The following NF1 variants were observed in gnomAD, a reference collection of about 807,000 sequenced individuals.
The protein encoded by NF1 is neurofibromin 1.
NF1 carries 122 observed loss-of-function variants against 325.7 expected under a neutral mutation model. That is an observed-to-expected ratio of 0.37 (90% CI 0.32 to 0.44). NF1 has a LOEUF of 0.44. NF1 is among the 20% of genes least tolerant of loss of function. The pLI is 1.00. For missense variants in NF1, 2,140 were observed against 3,415.4 expected (o/e 0.63, Z 9.31); for synonymous variants, 1,091 against 1,186.0 (o/e 0.92, Z 1.65).
At chr17:31,352,826 T>C (rs1176783280) in intron 51 of NF1, among the ~76,000 whole-genome samples, 1 of 152,246 alleles carries the variant, frequency 6.6e-6, no homozygotes, top group Non-Finnish European at 1.5e-5. Flanking sequence ...TATGAAGCTG[T>C]AATAGTACTA....
At position 31,326,153 on chromosome 17, in the gene NF1, A is replaced by T. The variant is rs864622372; in HGVS notation, c.5169A>T (p.Gln1723His). The T allele has an allele frequency of 3.1e-6, 5 of 1,613,166 alleles. No individual in the cohort carries two copies. The highest frequency in any genetic ancestry group is 3.4e-6 in the Non-Finnish European group (4 of 1,179,522). ...TGGCTGAGCACATAGAGCATGAACA[A>T]CAGAAACTACCTGCTGCCACCTTGG... ...GKLAEHIEHE[Q>H]QKLPAATLAL... Residue 1723 changes from glutamine to histidine, a missense_variant, in exon 37 of 58, where the codon CAA becomes CAT. Coordinates refer to ENST00000358273, the MANE Select transcript of NF1 (RefSeq NM_001042492.3).
chr17:31,271,004 C>G (rs2067884116), intron 36 of NF1, among the ~76,000 whole-genome samples: 1 of 152,192 alleles, frequency 6.6e-6, no homozygotes, highest in African/African-American at 2.4e-5. Context: ...GTTTGGGAAT[C>G]TCACTGGGTC....
At chr17:31,234,996 TA>T (rs2067176317) in intron 27 of NF1, among the ~76,000 whole-genome samples, 1 of 152,326 alleles carries the variant, frequency 6.6e-6, no homozygotes, top group East Asian at 1.9e-4. Flanking sequence ...CAGAGAGTTA[TA>T]AAGGATGTCA....
At position 31,374,376 on chromosome 17, in the gene NF1, A is replaced by G. The variant is rs2070702321; in HGVS notation, c.*221A>G. 1.7e-6 allele frequency: 1 copy of G among 596,050 alleles called. No homozygotes were observed. The highest frequency in any genetic ancestry group is 2.0e-5 in the South Asian group (1 of 51,264). The allele number at this position is 596,050 out of a possible 1,614,324, so 36.9% of individuals were successfully genotyped here. The stretch of plus-strand genomic sequence containing the variant: ...TTTTTTTCTTCTACTTTTGGCGTGT[A>G]TCTGGTATATGTAAGTGTTCAGAAC... On this transcript the variant is annotated 3_prime_UTR_variant, in exon 58 of 58. Coordinates refer to ENST00000358273, the MANE Select transcript of NF1 (RefSeq NM_001042492.3).
chr17:31,231,435 T>C (rs1222220129), intron 24 of NF1, among the ~76,000 whole-genome samples: 2 of 152,176 alleles, frequency 1.3e-5, no homozygotes, highest in African/African-American at 4.8e-5. Flanking sequence ...CAAGCCTAGC[T>C]TTATAATACA....
intron 36 of NF1, among the ~76,000 whole-genome samples, chr17:31,307,297 G>A (rs943768610): frequency 6.6e-6 from 1 of 152,188 alleles, no homozygotes; most frequent in South Asian, 2.1e-4. Context: ...GGGATTACAG[G>A]TGTGAGCCAC....
chr17:31,246,255 C>G (rs2067388868), intron 29 of NF1, among the ~76,000 whole-genome samples: 1 of 152,200 alleles, frequency 6.6e-6, no homozygotes, highest in African/African-American at 2.4e-5. Context: ...CCTACTTTCT[C>G]TTTCTGAAAT....
intron 36 of NF1, among the ~76,000 whole-genome samples, chr17:31,280,648 T>TA (rs2068100704): frequency 6.6e-6 from 1 of 152,052 alleles, no homozygotes; most frequent in South Asian, 2.1e-4. Context: ...TCTAGGCTAT[T>TA]ACAACAATTT....
intron 1 of NF1, among the ~76,000 whole-genome samples, chr17:31,147,438 A>G (rs1374010354): frequency 6.6e-6 from 1 of 152,168 alleles, no homozygotes; most frequent in Non-Finnish European, 1.5e-5. Context: ...GTTTTTAAAA[A>G]CCATTTCTGC....
chr17:31,314,213 C>A (rs932282232), intron 36 of NF1: 1 of 380,504 alleles, frequency 2.6e-6, no homozygotes, highest in Admixed American at 4.5e-5. Flanking sequence ...TTTTGAAATA[C>A]ATTTTGGAGC....
intron 1 of NF1, among the ~76,000 whole-genome samples, chr17:31,121,332 A>G (rs1184849248): frequency 1.4e-5 from 2 of 148,082 alleles, no homozygotes; most frequent in South Asian, 2.1e-4. Flanking sequence ...GGAAGATTTT[A>G]TTTCATATAT....
intron 27 of NF1, 124 bp from the exon 28 acceptor site, chr17:31,235,487 A>G (rs2067183002): frequency 1.1e-6 from 1 of 902,982 alleles, no homozygotes; most frequent in Admixed American, 1.7e-5. Flanking sequence ...TTAATCAGTC[A>G]TCATTTGCCT....
chr17:31,358,912 C>A (rs2151585784), intron 55 of NF1, 57 bp from the exon 56 acceptor site: 1 of 1,435,978 alleles, frequency 7.0e-7, no homozygotes, highest in South Asian at 1.1e-5. Context: ...TATTTAATTT[C>A]TGTTACAATT....
intron 36 of NF1, among the ~76,000 whole-genome samples, chr17:31,284,418 G>A (rs1324563748): frequency 6.6e-6 from 1 of 152,134 alleles, no homozygotes; most frequent in African/African-American, 2.4e-5. Context: ...GAGTAGCTGA[G>A]ATTAAACAGT....
chr17:31,263,139 T>TAAGAG (rs2067723594), intron 35 of NF1, among the ~76,000 whole-genome samples: 1 of 147,380 alleles, frequency 6.8e-6, no homozygotes, highest in African/African-American at 2.5e-5. Flanking sequence ...TAAGATAAGA[T>TAAGAG]AAGATAGATA....
chr17:31,148,986 AT>A lies in NF1; in HGVS notation c.61-6990del, dbSNP rs529325974. Among the ~76,000 whole-genome samples the A allele has an allele frequency of 7.6e-3, 1,154 of 151,872 alleles. 18 individuals carry two copies. The highest frequency in any genetic ancestry group is 0.027 in the African/African-American group (1,111 of 41,416). ...TTTCATTTCCTAAAGGCAACCACTA[AT>A]TTTTTTGAGCATTTCATTCTTCTAC... On this transcript the variant is annotated intron_variant, in intron 1 of 57. Transcript: ENST00000358273.
chr17:31,293,055 G>A (rs1281013407), intron 36 of NF1, among the ~76,000 whole-genome samples: 3 of 151,768 alleles, frequency 2.0e-5, no homozygotes, highest in African/African-American at 4.8e-5. Flanking sequence ...GCAGGCGCCT[G>A]TAATCCCAGC....
chr17:31,247,193 C>CAA (rs10564306), intron 29 of NF1, among the ~76,000 whole-genome samples: 6 of 94,388 alleles, frequency 6.4e-5, no homozygotes, highest in Non-Finnish European at 1.2e-4. Context: ...GACTCCATCT[C>CAA]AAAAAAAAAA....
intron 36 of NF1, chr17:31,307,766 ATCTT>A: frequency 1.7e-6 from 1 of 588,532 alleles, no homozygotes; most frequent in Non-Finnish European, 2.7e-6. Flanking sequence ...GGAATAGAAA[ATCTT>A]AGGGTGTTAG....
Sources: allele counts gnomAD v4.1 joint callset (sites outside exome capture counted in the v4.1 genomes callset), GRCh38; gene constraint gnomAD v4.1.1; transcripts MANE v1.5; gene names NCBI Gene and HGNC (gene_info 2026-07-23, HGNC 2026-07-21).